SIL1: variants seen among roughly 807,000 people sequenced by gnomAD.
The protein encoded by SIL1 is SIL1 nucleotide exchange factor.
In SIL1, 40 loss-of-function variants were observed where a neutral mutation model predicts 49.1. The observed-to-expected ratio is 0.81, with a 90% CI of 0.63 to 1.06. The LOEUF is 1.06. Among genes scored for constraint, SIL1 ranks in the 50% least tolerant of loss-of-function variants. SIL1 has a pLI of 0.00. For synonymous variants in SIL1, 253 were observed against 250.8 expected, an observed-to-expected ratio of 1.01 and a Z score of -0.08; for missense variants, 500 against 572.6, an observed-to-expected ratio of 0.87 and a Z score of 1.29.
chr5:138,978,131 T>C (rs1767431979), intron 7 of SIL1, among the ~76,000 whole-genome samples: 1 of 152,254 alleles, frequency 6.6e-6, no homozygotes, highest in Non-Finnish European at 1.5e-5. Context: ...TAGCTTTTTG[T>C]GTATTCACAG....
chr5:138,996,984 G>A (rs986725896), intron 7 of SIL1, among the ~76,000 whole-genome samples: 1 of 152,180 alleles, frequency 6.6e-6, no homozygotes, highest in Non-Finnish European at 1.5e-5. Flanking sequence ...CACAGCTGGA[G>A]TGCAGCAGCA....
chr5:139,023,225 G>T (rs1008575563), intron 6 of SIL1, among the ~76,000 whole-genome samples: 1 of 152,100 alleles, frequency 6.6e-6, no homozygotes, highest in African/African-American at 2.4e-5. Context: ...TCAAAAGCTG[G>T]GCCCCCCCCT....
chr5:138,982,233 T>C (rs1767542860), intron 7 of SIL1, among the ~76,000 whole-genome samples: 1 of 152,226 alleles, frequency 6.6e-6, no homozygotes, highest in Non-Finnish European at 1.5e-5. Flanking sequence ...TTTTGTCAAA[T>C]GAGCTGGCTT....
At chr5:139,196,779 T>A (rs1377029189) in intron 1 of SIL1, among the ~76,000 whole-genome samples, 2 of 152,164 alleles carry the variant, frequency 1.3e-5, no homozygotes, top group Non-Finnish European at 2.9e-5. Flanking sequence ...AGCCATGTTC[T>A]CAAAACCACA....
At chr5:138,999,682 T>G (rs544559303) in intron 7 of SIL1, among the ~76,000 whole-genome samples, 39 of 152,170 alleles carry the variant, frequency 2.6e-4, no homozygotes, top group South Asian at 1.9e-3. Flanking sequence ...ATGCTACTGG[T>G]TTTTGTATGT....
At chr5:139,034,501 T>C (rs572505353) in intron 5 of SIL1, 7 of 152,300 alleles carry the variant, frequency 4.6e-5, no homozygotes, top group African/African-American at 9.6e-5. Flanking sequence ...ACTGTTTGTA[T>C]AGTTTTTAAT....
chr5:139,144,906 GA>G (rs1351637253), intron 1 of SIL1, among the ~76,000 whole-genome samples: 1 of 151,938 alleles, frequency 6.6e-6, no homozygotes, highest in East Asian at 1.9e-4. Flanking sequence ...GTTCTTAGAA[GA>G]AAACATGGGC....
At chr5:139,122,113 A>G (rs762242810) in intron 2 of SIL1, among the ~76,000 whole-genome samples, 6 of 152,100 alleles carry the variant, frequency 3.9e-5, no homozygotes, top group Non-Finnish European at 7.4e-5. Flanking sequence ...CTCCCCTGTC[A>G]TCGCTTTTTC....
chr5:138,951,678 A>T (rs1459309061), intron 8 of SIL1, 110 bp downstream of exon 8: 8 of 1,052,302 alleles, frequency 7.6e-6, no homozygotes, highest in Non-Finnish European at 1.0e-5. Flanking sequence ...CACCCAGCAG[A>T]TGATGCTCAG....
At chr5:139,086,609 G>A (rs1003488008) in intron 3 of SIL1, among the ~76,000 whole-genome samples, 4 of 151,288 alleles carry the variant, frequency 2.6e-5, no homozygotes, top group East Asian at 2.0e-4. Context: ...CCCCTGCCTC[G>A]GCCTCCCAAA....
intron 7 of SIL1, among the ~76,000 whole-genome samples, chr5:139,020,857 G>C (rs543096354): frequency 7.2e-5 from 11 of 152,134 alleles, no homozygotes; most frequent in Non-Finnish European, 1.5e-4. Flanking sequence ...ACCTACTCTT[G>C]TTTATTCCCC....
At position 139,051,013 on chromosome 5, in the gene SIL1, A is replaced by AAG; in HGVS notation, c.277_278insCT (p.Leu93ProfsTer2). The AAG allele has an allele frequency of 6.2e-7, 1 of 1,614,182 alleles. No individual in the cohort carries two copies. Among genetic ancestry groups the AAG allele is most frequent in the Non-Finnish European group, 8.5e-7 (1 of 1,180,026 alleles). On this transcript the variant is annotated frameshift_variant, in exon 4 of 10. Coordinates refer to ENST00000394817, the MANE Select transcript of SIL1 (RefSeq NM_022464.5). LOFTEE classifies it high-confidence loss of function. Reference sequence around the variant, plus strand: ...CTCTCTTTCCCCAGTCTGAAGATTCAGCCGTACGTGGGATCCTGCAGGGAC... The same window carrying AAG: ...CTCTCTTTCCCCAGTCTGAAGATTCAAGGCCGTACGTGGGATCCTGCAGGGAC...
intron 3 of SIL1, among the ~76,000 whole-genome samples, chr5:139,091,302 G>T (rs1268653204): frequency 6.6e-6 from 1 of 151,914 alleles, no homozygotes; most frequent in Non-Finnish European, 1.5e-5. Flanking sequence ...TAAAGTATCT[G>T]CAATTTAATA....
chr5:139,123,131 T>C (rs564729546), intron 2 of SIL1, among the ~76,000 whole-genome samples: 6 of 152,346 alleles, frequency 3.9e-5, no homozygotes, highest in East Asian at 1.9e-4. Flanking sequence ...GGAGTGACTA[T>C]ACAATATGGC....
intron 5 of SIL1, among the ~76,000 whole-genome samples, chr5:139,041,957 T>TC (rs1356672577): frequency 2.4e-4 from 36 of 151,962 alleles, no homozygotes; most frequent in African/African-American, 8.7e-4. Context: ...GAGAAATGAC[T>TC]CCAAGAGCTC....
intron 1 of SIL1, among the ~76,000 whole-genome samples, chr5:139,139,636 G>C (rs532462421): frequency 6.6e-6 from 1 of 152,320 alleles, no homozygotes; most frequent in African/African-American, 2.4e-5. Context: ...ATGATGTCCT[G>C]TTCACATTCA....
Position 139,094,668 on chromosome 5 carries a change from C to A in SIL1, c.244+26367G>T, listed in dbSNP as rs939278503. Among the ~76,000 whole-genome samples the A allele has an allele frequency of 2.8e-4, 43 of 152,252 alleles. 1 individual carries two copies. The highest frequency in any genetic ancestry group is 2.6e-3 in the Admixed American group (40 of 15,282). On this transcript the variant is annotated intron_variant, in intron 3 of 9. Coordinates refer to ENST00000394817, the MANE Select transcript of SIL1 (RefSeq NM_022464.5). ...GTACAACATTTACTCAGTTTCAGTT[C>A]CCCTAATGCTATCATCTTATATTAC...
intron 3 of SIL1, among the ~76,000 whole-genome samples, chr5:139,119,430 T>C (rs1400400052): frequency 6.6e-6 from 1 of 152,212 alleles, no homozygotes; most frequent in Non-Finnish European, 1.5e-5. Context: ...CACAGGACAC[T>C]GACTTCCATC....
At chr5:139,095,083 T>C (rs2151778653) in intron 3 of SIL1, among the ~76,000 whole-genome samples, 1 of 152,198 alleles carries the variant, frequency 6.6e-6, no homozygotes, top group Non-Finnish European at 1.5e-5. Context: ...GATATTACCC[T>C]GGCTCACTTG....
Sources: allele counts gnomAD v4.1 joint callset (sites outside exome capture counted in the v4.1 genomes callset), GRCh38; gene constraint gnomAD v4.1.1; transcripts MANE v1.5; gene names NCBI Gene and HGNC (gene_info 2026-07-23, HGNC 2026-07-21).